MS4A3: variants seen among roughly 807,000 people sequenced by gnomAD.
The protein encoded by MS4A3 is membrane spanning 4-domains A3, also known as membrane-spanning 4-domains subfamily A member 3.
Under a neutral mutation model 24.7 loss-of-function variants are expected in MS4A3, and 18 were observed. The ratio of observed to expected loss-of-function variants is 0.73; its 90% CI spans 0.50 to 1.08. MS4A3 has a LOEUF of 1.08. MS4A3 is among the 50% of genes least tolerant of loss of function. The pLI is 0.00. For missense variants in MS4A3, 282 were observed against 251.7 expected, an observed-to-expected ratio of 1.12 and a Z score of -0.82; for synonymous variants, 84 against 95.3, an observed-to-expected ratio of 0.88 and a Z score of 0.69.
Position 60,070,387 on chromosome 11 carries a change from A to G in MS4A3, c.*154A>G. On this transcript the variant is annotated 3_prime_UTR_variant, in exon 7 of 7. Coordinates refer to ENST00000278865, the MANE Select transcript of MS4A3 (RefSeq NM_006138.5). ...CAATCACAAGAACCTTGGACGTTTG[A>G]CTGACTCTATCCTTTCTCTCCTAAC... The G allele has an allele frequency of 1.6e-6, 1 of 612,354 alleles. No individual in the cohort carries two copies. The highest frequency in any genetic ancestry group is 2.9e-6 in the Non-Finnish European group (1 of 349,384). 37.9% of individuals were successfully genotyped at this position (612,354 alleles called of 1,614,324 possible).
At chr11:60,065,761 T>C (rs1281650519) in intron 4 of MS4A3, among the ~76,000 whole-genome samples, 3 of 152,214 alleles carry the variant, frequency 2.0e-5, no homozygotes, top group Non-Finnish European at 2.9e-5. Context: ...CTGGTTTTCC[T>C]CCCATCTTTT....
chr11:60,070,209 T>G lies in MS4A3; in HGVS notation c.621T>G (p.Ile207Met), dbSNP rs772102407. Residue 207 changes from isoleucine to methionine, a missense_variant, in exon 7 of 7, where the codon ATT becomes ATG. By Grantham distance (10) the Ile-to-Met change is conservative. Coordinates refer to ENST00000278865, the MANE Select transcript of MS4A3 (RefSeq NM_006138.5). ...AATGTTGTTTTATTTTCTAGGAAATTTCCTCACCTCCCAATTCTGTGTAAT... is the reference window on the plus strand; with the variant it reads ...AATGTTGTTTTATTTTCTAGGAAATGTCCTCACCTCCCAATTCTGTGTAAT... ...NANCCNSREE[I>M]SSPPNSV 6.7e-5 allele frequency: 107 copies of G among 1,602,106 alleles called. No homozygotes were observed. The highest frequency in any genetic ancestry group is 8.5e-5 in the Non-Finnish European group (100 of 1,170,280).
rs201987673 is a variant in MS4A3 at position 60,067,086 on chromosome 11, T to C, written c.487T>C (p.Cys163Arg). 4.4e-6 allele frequency: 7 copies of C among 1,608,200 alleles called. No individual in the cohort carries two copies. In the South Asian group the frequency reaches 5.6e-5, roughly 13 times the overall value. ...CTCTTCATCAGAGTCACCGGACCTA[T>C]GCAATTACATGGGCTCCATATCAAA... ...CHSSSESPDL[C>R]NYMGSISNGM... The change falls in exon 5 of 7, where the codon TGC (cysteine) becomes CGC (arginine). Residue 163 changes from cysteine to arginine, a missense_variant. Cys to Arg is a radical substitution (Grantham distance 180). Coordinates refer to ENST00000278865, the MANE Select transcript of MS4A3 (RefSeq NM_006138.5).
At position 60,067,086 on chromosome 11, in the gene MS4A3, T is replaced by A. The variant is rs201987673; in HGVS notation, c.487T>A (p.Cys163Ser). 218 of 1,608,200 alleles carry A rather than the reference T, an allele frequency of 1.4e-4. No homozygotes were observed. The highest frequency in any genetic ancestry group is 4.9e-4 in the Middle Eastern group (3 of 6,076). The change falls in exon 5 of 7, where the codon TGC (cysteine) becomes AGC (serine). Residue 163 changes from cysteine to serine, a missense_variant. By Grantham distance (112) the Cys-to-Ser change is moderately radical. Coordinates refer to ENST00000278865, the MANE Select transcript of MS4A3 (RefSeq NM_006138.5). ...CTCTTCATCAGAGTCACCGGACCTA[T>A]GCAATTACATGGGCTCCATATCAAA... is the stretch of plus-strand genomic sequence containing the variant. ...CHSSSESPDL[C>S]NYMGSISNGM... is the part of the protein sequence containing the mutation.
intron 2 of MS4A3, 105 bp from the exon 3 acceptor site, chr11:60,062,363 A>T: frequency 1.4e-6 from 2 of 1,390,630 alleles, no homozygotes; most frequent in Non-Finnish European, 2.0e-6. Context: ...CACTTTAACC[A>T]TTTCAAGCAC....
At chr11:60,059,271 A>C (rs1390985532) in intron 1 of MS4A3, among the ~76,000 whole-genome samples, 3 of 152,222 alleles carry the variant, frequency 2.0e-5, no homozygotes, top group African/African-American at 7.2e-5. Flanking sequence ...GTAGAGTATC[A>C]GAAAGGTAAA....
chr11:60,069,591 G>A lies in MS4A3; in HGVS notation c.531G>A (p.Leu177=), dbSNP rs755997784. 1 of 1,612,886 alleles carries A rather than the reference G, an allele frequency of 6.2e-7. No individual in the cohort carries two copies. Among genetic ancestry groups the A allele is most frequent in the Non-Finnish European group, 8.5e-7 (1 of 1,179,118 alleles). Residue 177 remains leucine (L), a synonymous_variant, in exon 6 of 7, where the codon CTG becomes CTA. Coordinates refer to ENST00000278865, the MANE Select transcript of MS4A3 (RefSeq NM_006138.5). ...GSISNGMVSL[L]LILTLLELCV... is the part of the protein sequence containing the mutation. ...TCCCCTAGGGCATGGTGTCTCTACT[G>A]CTGATTCTCACCTTGCTGGAATTAT... is the stretch of plus-strand genomic sequence containing the variant.
chr11:60,061,177 T>C lies in MS4A3; in HGVS notation c.17T>C (p.Val6Ala), dbSNP rs752700504. ...ACAACCCCAATGGCCTCCCACGAAG[T>C]TGATAATGCAGAGCTGGGGTCAGCC... MASHEVDNAELGSASA... is the reference protein window; with the variant it reads MASHEADNAELGSASA... Residue 6 changes from valine (V) to alanine (A), a missense_variant, in exon 2 of 7, where the codon GTT (valine) becomes GCT (alanine). Transcript: ENST00000278865. 1.9e-6 allele frequency: 3 copies of C among 1,591,650 alleles called. No homozygotes were observed. Among genetic ancestry groups the C allele is most frequent in the Admixed American group, 1.9e-5 (1 of 53,128 alleles).
chr11:60,057,369 C>T (rs748054546), intron 1 of MS4A3, among the ~76,000 whole-genome samples: 2 of 151,476 alleles, frequency 1.3e-5, no homozygotes, highest in African/African-American at 4.9e-5. Context: ...CTGGCAGTTT[C>T]CTAGAAAATC....
At chr11:60,062,403 T>C in intron 2 of MS4A3, 65 bp from the exon 3 acceptor site, 2 of 1,583,014 alleles carry the variant, frequency 1.3e-6, no homozygotes, top group Non-Finnish European at 1.7e-6. Context: ...AAAATTAAAA[T>C]GGCCTGTTTT....
intron 5 of MS4A3, among the ~76,000 whole-genome samples, chr11:60,068,588 C>T (rs1333012655): frequency 1.3e-5 from 2 of 151,908 alleles, no homozygotes; most frequent in Non-Finnish European, 2.9e-5. Flanking sequence ...TGTTCAGGTA[C>T]TCTACCTCTT....
chr11:60,057,500 G>C (rs1375959373), intron 1 of MS4A3, among the ~76,000 whole-genome samples: 3 of 152,130 alleles, frequency 2.0e-5, no homozygotes. Context: ...CGCCTCATGG[G>C]TTCAAACAAT....
chr11:60,057,179 G>T (rs1016782630), intron 1 of MS4A3, among the ~76,000 whole-genome samples: 2 of 152,170 alleles, frequency 1.3e-5, no homozygotes, highest in Non-Finnish European at 2.9e-5. Flanking sequence ...ATTGCTGGCT[G>T]TGTGGGCTTG....
In MS4A3 at chr11:60,070,501, C is replaced by T. The variant is rs1855458169; in HGVS notation, c.*268C>T. On this transcript the variant is annotated 3_prime_UTR_variant, in exon 7 of 7. Transcript: ENST00000278865. ...ATATCTGTAACTTCTATGATCATTA[C>T]TCCAAAGTTGTTTCCAGAAATTGGT... 16 of 370,394 alleles carry T rather than the reference C, an allele frequency of 4.3e-5. No individual in the cohort carries two copies. The East Asian group carries it at 8.2e-4, about 19-fold the overall frequency. The allele number at this position is 370,394 out of a possible 1,614,324, so 22.9% of individuals were successfully genotyped here.
chr11:60,067,494 C>T (rs1228906275), intron 5 of MS4A3, among the ~76,000 whole-genome samples: 4 of 151,954 alleles, frequency 2.6e-5, no homozygotes, highest in East Asian at 2.0e-4. Flanking sequence ...GGATAAGGGG[C>T]GTGAGCCACC....
chr11:60,063,523 T>C (rs1379933698), intron 3 of MS4A3, among the ~76,000 whole-genome samples: 1 of 152,160 alleles, frequency 6.6e-6, no homozygotes, highest in Non-Finnish European at 1.5e-5. Flanking sequence ...TATTTCTTGG[T>C]GATTTGTTTG....
chr11:60,066,943 T>C lies in MS4A3; in HGVS notation c.352-8T>C. 1 of 1,573,588 alleles carries C rather than the reference T, an allele frequency of 6.4e-7. No homozygotes were observed. Among genetic ancestry groups the C allele is most frequent in the South Asian group, 1.2e-5 (1 of 85,412 alleles). On this transcript the variant is annotated splice_polypyrimidine_tract_variant and splice_region_variant and intron_variant, in intron 4 of 6. Coordinates refer to ENST00000278865, the MANE Select transcript of MS4A3 (RefSeq NM_006138.5). ...ATATATTAATTGAAAATTCTTATTCTTTTTTAGATACAGAACAGTTTTGGA... is the reference window on the plus strand; with the variant it reads ...ATATATTAATTGAAAATTCTTATTCCTTTTTAGATACAGAACAGTTTTGGA...
intron 2 of MS4A3, among the ~76,000 whole-genome samples, chr11:60,061,706 T>C (rs1446777525): frequency 6.6e-6 from 1 of 152,138 alleles, no homozygotes; most frequent in Non-Finnish European, 1.5e-5. Context: ...AGTAGTTAAG[T>C]TTTTGGGAAG....
chr11:60,067,620 C>T (rs1237974734), intron 5 of MS4A3, among the ~76,000 whole-genome samples: 1 of 152,088 alleles, frequency 6.6e-6, no homozygotes, highest in African/African-American at 2.4e-5. Context: ...CAATAGTACC[C>T]GTCTCATAGG....
Sources: allele counts gnomAD v4.1 joint callset (sites outside exome capture counted in the v4.1 genomes callset), GRCh38; gene constraint gnomAD v4.1.1; transcripts MANE v1.5; gene names NCBI Gene and HGNC (gene_info 2026-07-23, HGNC 2026-07-21).